The following DDX19B variants were observed in gnomAD, a reference collection of about 807,000 sequenced individuals.
DDX19B encodes ATP-dependent RNA helicase DDX19B.
DDX19B carries 27 observed loss-of-function variants against 58.1 expected under a neutral mutation model. The ratio of observed to expected loss-of-function variants is 0.46; its 90% CI spans 0.34 to 0.64. The LOEUF (loss-of-function observed/expected upper bound fraction) is 0.64, where lower values mean the gene tolerates loss of function less well. Ranked by LOEUF, DDX19B falls within the 30% of genes least tolerant of loss-of-function variation. The pLI is 0.01. For synonymous variants in DDX19B, 187 were observed against 214.4 expected, an observed-to-expected ratio of 0.87 and a Z score of 1.12; for missense variants, 399 against 596.5, an observed-to-expected ratio of 0.67 and a Z score of 3.45.
chr16:70,299,702 A>G (rs987016159), intron 1 of DDX19B, among the ~76,000 whole-genome samples: 1 of 152,050 alleles, frequency 6.6e-6, no homozygotes, highest in Non-Finnish European at 1.5e-5. Context: ...TCCTGGTCTC[A>G]AGCTATCTTC....
Position 70,303,316 on chromosome 16 carries a change from G to C in DDX19B, c.57+3962G>C, listed in dbSNP as rs117571717. On this transcript the variant is annotated intron_variant, in intron 1 of 11. Transcript: ENST00000288071. ...GCATGCGCCACCACATCTGGCTAAT[G>C]TATGTATTTTTTGTAGAGACAGGGT... 5.3e-4 allele frequency among the ~76,000 whole-genome samples: 81 copies of C among 152,050 alleles called. 1 individual carries two copies. The East Asian group carries it at 0.015, about 28-fold the overall frequency.
At chr16:70,324,724 T>C (rs780971461) in intron 6 of DDX19B, 37 bp downstream of exon 6, 202 of 1,574,244 alleles carry the variant, frequency 1.3e-4, no homozygotes, top group Non-Finnish European at 1.2e-4. Context: ...TACTAATGCA[T>C]AGATAGAAGG....
chr16:70,333,888 T>A lies in DDX19B; in HGVS notation c.*306T>A, dbSNP rs1185029414. 6.6e-6 allele frequency: 3 copies of A among 454,962 alleles called. No individual in the cohort carries two copies. In the East Asian group the frequency reaches 1.3e-4, roughly 20 times the overall value. 28.2% of individuals were successfully genotyped at this position (454,962 alleles called of 1,614,324 possible). ...TGCTAATCTAGATGCTGTGGCTGAT[T>A]ACTTGCCCAGGATCTCCTGTGGCAG... On this transcript the variant is annotated 3_prime_UTR_variant, in exon 12 of 12. Transcript: ENST00000288071.
chr16:70,317,707 GC>G (rs1597482917), intron 5 of DDX19B, 119 bp downstream of exon 5: 1 of 783,288 alleles, frequency 1.3e-6, no homozygotes, highest in East Asian at 3.1e-5. Flanking sequence ...GAGAGGCAAG[GC>G]AGGAGGATCG....
At position 70,299,258 on chromosome 16, in the gene DDX19B, C is replaced by G; in HGVS notation, c.-40C>G. On this transcript the variant is annotated 5_prime_UTR_variant, in exon 1 of 12. Coordinates refer to ENST00000288071, the MANE Select transcript of DDX19B (RefSeq NM_007242.7). ...GCCCACGATCCCTCGTGCCATCCCT[C>G]GAATCCACCAGCACGAGCGTCCCAC... 8.5e-6 allele frequency: 13 copies of G among 1,529,662 alleles called. No individual in the cohort carries two copies. The highest frequency in any genetic ancestry group is 1.1e-5 in the Non-Finnish European group (13 of 1,138,576). 94.8% of individuals were successfully genotyped at this position (1,529,662 alleles called of 1,614,324 possible).
intron 1 of DDX19B, among the ~76,000 whole-genome samples, chr16:70,312,238 G>T (rs1962130601): frequency 6.6e-6 from 1 of 152,056 alleles, no homozygotes; most frequent in South Asian, 2.1e-4. Flanking sequence ...TTTGAAATAT[G>T]ATTTGGAATG....
chr16:70,311,082 C>T (rs183636958), intron 1 of DDX19B, among the ~76,000 whole-genome samples: 26 of 142,378 alleles, frequency 1.8e-4, no homozygotes, highest in Middle Eastern at 5.0e-3. Context: ...TAAAAATGTA[C>T]GACTAGAAAG....
At chr16:70,315,382 G>A (rs1268201936) in intron 3 of DDX19B, among the ~76,000 whole-genome samples, 1 of 135,866 alleles carries the variant, frequency 7.4e-6, no homozygotes, top group Non-Finnish European at 1.5e-5. Flanking sequence ...GCGAGACTCT[G>A]TCTCAAAAAA....
chr16:70,333,971 A>C lies in DDX19B; in HGVS notation c.*389A>C. 2 of 292,966 alleles carry C rather than the reference A, an allele frequency of 6.8e-6. No homozygotes were observed. Among genetic ancestry groups the C allele is most frequent in the Middle Eastern group, 1.3e-3 (1 of 798 alleles). The allele number at this position is 292,966 out of a possible 1,614,324, so 18.1% of individuals were successfully genotyped here. On this transcript the variant is annotated 3_prime_UTR_variant, in exon 12 of 12. Coordinates refer to ENST00000288071, the MANE Select transcript of DDX19B (RefSeq NM_007242.7). ...GGCAGCCTCCAGCTCCTGTGGAAGTAATGGAATAGTGGTGGAAAGGGAACA... is the reference window on the plus strand; with the variant it reads ...GGCAGCCTCCAGCTCCTGTGGAAGTCATGGAATAGTGGTGGAAAGGGAACA...
chr16:70,312,712 T>C, intron 2 of DDX19B, 55 bp downstream of exon 2: 2 of 1,522,120 alleles, frequency 1.3e-6, no homozygotes, highest in South Asian at 2.3e-5. Flanking sequence ...AGTATTTTTG[T>C]TTTGGCATAA....
At chr16:70,318,739 T>C (rs1021984809) in intron 5 of DDX19B, among the ~76,000 whole-genome samples, 2 of 143,600 alleles carry the variant, frequency 1.4e-5, no homozygotes, top group African/African-American at 5.2e-5. Context: ...GGGGTTACAG[T>C]GAGCTGAGAT....
chr16:70,321,891 T>C (rs531574965), intron 5 of DDX19B, among the ~76,000 whole-genome samples: 4 of 151,244 alleles, frequency 2.6e-5, no homozygotes, highest in African/African-American at 9.7e-5. Context: ...AAAAATTAGC[T>C]GGGCATGGTG....
chr16:70,291,235 G>T (rs1210287520), upstream of DDX19B, among the ~76,000 whole-genome samples: 1 of 152,064 alleles, frequency 6.6e-6, no homozygotes, highest in Non-Finnish European at 1.5e-5. Context: ...GTAAAATAAG[G>T]CAGAGAGAGA....
At chr16:70,326,936 A>G (rs1008001381) in intron 7 of DDX19B, among the ~76,000 whole-genome samples, 10 of 150,896 alleles carry the variant, frequency 6.6e-5, no homozygotes, top group South Asian at 4.2e-4. Flanking sequence ...TGGGGTTCAC[A>G]CCATTCTCCT....
At chr16:70,326,244 C>T (rs900547316) in intron 7 of DDX19B, among the ~76,000 whole-genome samples, 10 of 152,136 alleles carry the variant, frequency 6.6e-5, no homozygotes, top group Non-Finnish European at 1.0e-4. Flanking sequence ...GAGGCCGAGG[C>T]GGGCAGCAGA....
chr16:70,290,803 A>G (rs1229427988), upstream of DDX19B, among the ~76,000 whole-genome samples: 1 of 152,198 alleles, frequency 6.6e-6, no homozygotes, highest in Non-Finnish European at 1.5e-5. Flanking sequence ...CCCTTTTTAC[A>G]AATGAGGAAA....
At chr16:70,299,918 C>G (rs1025329354) in intron 1 of DDX19B, among the ~76,000 whole-genome samples, 2 of 152,046 alleles carry the variant, frequency 1.3e-5, no homozygotes, top group African/African-American at 2.4e-5. Flanking sequence ...AAATCCTTTC[C>G]TCATCGGCTT....
chr16:70,293,653 G>A (rs945846915), upstream of DDX19B, among the ~76,000 whole-genome samples: 3 of 116,450 alleles, frequency 2.6e-5, no homozygotes, highest in Admixed American at 1.1e-4. Context: ...CGCCCAGGCC[G>A]GACTGCGGAC....
chr16:70,314,506 C>CA (rs908072455), intron 2 of DDX19B, among the ~76,000 whole-genome samples: 1 of 151,256 alleles, frequency 6.6e-6, no homozygotes, highest in Non-Finnish European at 1.5e-5. Context: ...ACTAAAAATA[C>CA]AAAAAAAATT....
Sources: gnomAD v4.1 joint callset for allele counts (sites outside exome capture counted in the v4.1 genomes callset) on GRCh38, gnomAD v4.1.1 for gene constraint, MANE v1.5 for transcripts, NCBI Gene and HGNC (gene_info 2026-07-23, HGNC 2026-07-21) for gene names.